Variants in CTNNA2 observed in about 807,000 individuals in gnomAD.
The protein encoded by CTNNA2 is catenin alpha-2.
CTNNA2 carries 42 observed loss-of-function variants against 101.0 expected under a neutral mutation model. The ratio of observed to expected loss-of-function variants is 0.42; its 90% CI spans 0.32 to 0.54. CTNNA2 has a LOEUF of 0.54. CTNNA2 is among the 20% of genes least tolerant of loss of function. The probability of loss-of-function intolerance (pLI) is 0.14; values close to 1 mark genes in which losing one functional copy is unlikely to be tolerated. For synonymous variants in CTNNA2, 450 were observed against 456.4 expected, an observed-to-expected ratio of 0.99 and a Z score of 0.18; for missense variants, 871 against 1,223.1, an observed-to-expected ratio of 0.71 and a Z score of 4.29.
chr2:79,683,194 A>C (rs12479356), intron 2 of CTNNA2, among the ~76,000 whole-genome samples: 12,768 of 152,214 alleles, frequency 0.084, 582 homozygotes, highest in South Asian at 0.12. Context: ...CTACCCCTAC[A>C]TGCCAGGTAA....
intron 3 of CTNNA2, among the ~76,000 whole-genome samples, chr2:79,805,934 T>G: frequency 6.9e-6 from 1 of 145,134 alleles, no homozygotes; most frequent in South Asian, 2.2e-4. Flanking sequence ...CAAGACTGTG[T>G]CTCAAAAAAA....
intron 2 of CTNNA2, among the ~76,000 whole-genome samples, chr2:79,669,564 C>G (rs1046460177): frequency 1.4e-4 from 21 of 152,116 alleles, no homozygotes; most frequent in Non-Finnish European, 8.8e-5. Flanking sequence ...GGCAGATTGT[C>G]CAGTCGAGTG....
chr2:80,055,565 TAATC>T (rs1280242507), intron 7 of CTNNA2, among the ~76,000 whole-genome samples: 3 of 152,172 alleles, frequency 2.0e-5, no homozygotes, highest in Non-Finnish European at 4.4e-5. Flanking sequence ...TTTCATATAA[TAATC>T]CAGATTTCCA....
intron 1 of CTNNA2, among the ~76,000 whole-genome samples, chr2:79,536,229 G>A (rs1320501181): frequency 1.3e-5 from 2 of 152,154 alleles, no homozygotes; most frequent in Non-Finnish European, 2.9e-5. Context: ...AATTTGTCAA[G>A]AGCTGAGTTG....
At chr2:80,028,315 G>A (rs1695072261) in intron 7 of CTNNA2, 1 of 152,200 alleles carries the variant, frequency 6.6e-6, no homozygotes, top group Non-Finnish European at 1.5e-5. Flanking sequence ...ATGCCAGGTG[G>A]AACGCAGTCT....
At chr2:80,089,069 A>G (rs1326581028) in intron 7 of CTNNA2, among the ~76,000 whole-genome samples, 3 of 151,984 alleles carry the variant, frequency 2.0e-5, no homozygotes, top group Non-Finnish European at 4.4e-5. Context: ...TGGAAGACCT[A>G]TTATCCTCTC....
intron 1 of CTNNA2, among the ~76,000 whole-genome samples, chr2:79,550,672 T>A (rs1461159374): frequency 6.6e-6 from 1 of 152,248 alleles, no homozygotes; most frequent in Non-Finnish European, 1.5e-5. Context: ...TCATTCAGTA[T>A]CTTTTTATAC....
intron 1 of CTNNA2, among the ~76,000 whole-genome samples, chr2:79,190,386 G>A (rs1390993875): frequency 3.3e-5 from 5 of 152,042 alleles, no homozygotes. Flanking sequence ...CTTGGGAAAT[G>A]TGAATTTCAA....
intron 2 of CTNNA2, among the ~76,000 whole-genome samples, chr2:79,743,894 C>A (rs1399019615): frequency 6.6e-6 from 1 of 152,086 alleles, no homozygotes; most frequent in Non-Finnish European, 1.5e-5. Flanking sequence ...TTCGAAAGTC[C>A]TTGGAAAATA....
intron 3 of CTNNA2, among the ~76,000 whole-genome samples, chr2:79,836,063 C>G (rs1679343760): frequency 1.3e-5 from 2 of 152,146 alleles, no homozygotes; most frequent in African/African-American, 4.8e-5. Context: ...GGCCTCCTGC[C>G]ACTTCTGTCT....
intron 7 of CTNNA2, among the ~76,000 whole-genome samples, chr2:80,233,062 T>G (rs1219933724): frequency 6.6e-6 from 1 of 152,162 alleles, no homozygotes; most frequent in African/African-American, 2.4e-5. Flanking sequence ...GAAAAGAGAA[T>G]TACTCTTTAG....
intron 1 of CTNNA2, among the ~76,000 whole-genome samples, chr2:79,541,703 T>G (rs1673433388): frequency 6.6e-6 from 1 of 150,648 alleles, no homozygotes; most frequent in Non-Finnish European, 1.5e-5. Flanking sequence ...CTTGGCTCAC[T>G]GCAACCTCCA....
intron 14 of CTNNA2, among the ~76,000 whole-genome samples, chr2:80,587,933 T>G (rs1389434191): frequency 6.6e-6 from 1 of 152,172 alleles, no homozygotes; most frequent in Admixed American, 6.5e-5. Context: ...GTTTAACAAA[T>G]ATAGTTGATT....
intron 7 of CTNNA2, among the ~76,000 whole-genome samples, chr2:80,251,834 C>A (rs989425815): frequency 6.6e-6 from 1 of 152,174 alleles, no homozygotes; most frequent in South Asian, 2.1e-4. Context: ...TTTCCTCTTT[C>A]TGGTGGAGTC....
chr2:79,678,191 T>C (rs1227206503), intron 2 of CTNNA2, among the ~76,000 whole-genome samples: 1 of 152,162 alleles, frequency 6.6e-6, no homozygotes, highest in Non-Finnish European at 1.5e-5. Context: ...TCCCAGCTGA[T>C]CGACTCCTAA....
rs767244360 is a variant in CTNNA2 at position 80,555,718 on chromosome 2, C to T, written c.1566C>T (p.Asn522=). The change falls in exon 12 of 19, where the codon AAC becomes AAT. Residue 522 remains asparagine, a synonymous_variant. Transcript: ENST00000402739. The stretch of plus-strand genomic sequence containing the variant: ...AAAATCACATCTTGGAGGATGTGAA[C>T]AAGTGTGTGATAGCCCTCCAAGAGG... ...VSENHILEDV[N]KCVIALQEGD... 2 of 1,557,536 alleles carry T rather than the reference C, an allele frequency of 1.3e-6. No individual in the cohort carries two copies. Among genetic ancestry groups the T allele is most frequent in the South Asian group, 1.2e-5 (1 of 80,298 alleles).
chr2:80,146,938 T>C (rs1334520868), intron 7 of CTNNA2, among the ~76,000 whole-genome samples: 1 of 106,986 alleles, frequency 9.3e-6, no homozygotes. Context: ...TTTTGTATTT[T>C]ATTTATTTAT....
intron 7 of CTNNA2, among the ~76,000 whole-genome samples, chr2:79,969,473 G>A (rs1418553095): frequency 6.6e-6 from 1 of 152,106 alleles, no homozygotes; most frequent in Non-Finnish European, 1.5e-5. Context: ...TCAATAACGC[G>A]GTTAAAAGAA....
intron 7 of CTNNA2, among the ~76,000 whole-genome samples, chr2:80,098,272 T>C (rs1436600881): frequency 2.6e-5 from 4 of 152,110 alleles, no homozygotes; most frequent in Non-Finnish European, 5.9e-5. Flanking sequence ...GGAGGTCCAC[T>C]CCAGACCCTG....
Sources: allele counts gnomAD v4.1 joint callset (sites outside exome capture counted in the v4.1 genomes callset), GRCh38; gene constraint gnomAD v4.1.1; transcripts MANE v1.5; gene names NCBI Gene and HGNC (gene_info 2026-07-23, HGNC 2026-07-21).